OTUD7B: variants seen among roughly 807,000 people sequenced by gnomAD.
OTUD7B encodes OTU deubiquitinase 7B.
In OTUD7B, 34 loss-of-function variants were observed where a neutral mutation model predicts 82.2. That is an observed-to-expected ratio of 0.41 (90% CI 0.31 to 0.55). The LOEUF is 0.55. Among genes scored for constraint, OTUD7B ranks in the 20% least tolerant of loss-of-function variants. The probability of loss-of-function intolerance (pLI) is 0.20; values close to 1 mark genes in which losing one functional copy is unlikely to be tolerated. For synonymous variants in OTUD7B, 398 were observed against 402.7 expected (o/e 0.99, Z 0.14); for missense variants, 944 against 1,062.1 (o/e 0.89, Z 1.55).
intron 1 of OTUD7B, among the ~76,000 whole-genome samples, chr1:150,003,860 A>G (rs1407890081): frequency 6.6e-6 from 1 of 151,930 alleles, no homozygotes; most frequent in African/African-American, 2.4e-5. Context: ...TTCCAAACCT[A>G]CCCCCATCTT....
chr1:150,046,614 A>T, the OTUD7B span, among the ~76,000 whole-genome samples: 1 of 135,450 alleles, frequency 7.4e-6, no homozygotes, highest in African/African-American at 2.7e-5. Flanking sequence ...CACCTGGCTA[A>T]TTTTTTTTTT....
rs587630839 is a variant in OTUD7B, at chr1:149,944,418, T to G, written c.1971A>C (p.Ile657=). The part of the protein sequence containing the change: ...EAERKIMNGG[I]GGGPPPAKKP... ...TTTTGGCTGGAGGAGGGCCACCCCC[T>G]ATTCCTCCATTCATGATCTTCCTCT... is the stretch of plus-strand genomic sequence containing the variant. Residue 657 remains isoleucine, a synonymous_variant, in exon 12 of 12, where the codon ATA becomes ATC. Transcript: ENST00000581312. The G allele has an allele frequency of 7.4e-6, 12 of 1,614,120 alleles. No homozygotes were observed. The South Asian group carries it at 1.2e-4, about 16-fold the overall frequency.
chr1:149,996,808 T>C (rs1257463055), intron 1 of OTUD7B, among the ~76,000 whole-genome samples: 1 of 152,120 alleles, frequency 6.6e-6, no homozygotes, highest in Non-Finnish European at 1.5e-5. Context: ...TCCAGCCAGG[T>C]CAGAAGTTAT....
chr1:150,059,123 G>A, the OTUD7B span, among the ~76,000 whole-genome samples: 27 of 139,628 alleles, frequency 1.9e-4, no homozygotes, highest in Middle Eastern at 3.9e-3. Flanking sequence ...GTGTGATCTC[G>A]GCTCACTGCA....
chr1:149,961,339 CTA>C (rs1383362553), intron 6 of OTUD7B: 2 of 152,162 alleles, frequency 1.3e-5, no homozygotes, highest in Non-Finnish European at 2.9e-5. Flanking sequence ...TCCCTAACTG[CTA>C]TAGAGTTGTT....
At chr1:150,034,901 G>A in the OTUD7B span, among the ~76,000 whole-genome samples, 81 of 152,108 alleles carry the variant, frequency 5.3e-4, no homozygotes, top group Non-Finnish European at 9.3e-4. Context: ...CCAGCACTTT[G>A]AGAGGCTAAG....
At chr1:150,047,055 A>G in the OTUD7B span, among the ~76,000 whole-genome samples, 1 of 152,000 alleles carries the variant, frequency 6.6e-6, no homozygotes, top group African/African-American at 2.4e-5. Flanking sequence ...TGGGCGACAG[A>G]GCACAGCTCT....
the OTUD7B span, among the ~76,000 whole-genome samples, chr1:150,046,695 C>T: frequency 1.3e-5 from 2 of 150,992 alleles, no homozygotes; most frequent in African/African-American, 2.4e-5. Flanking sequence ...GTGATCCACC[C>T]GCCTCGTCCT....
the OTUD7B span, among the ~76,000 whole-genome samples, chr1:150,024,753 AAAC>A: frequency 1.3e-5 from 2 of 152,210 alleles, no homozygotes; most frequent in Non-Finnish European, 2.9e-5. Context: ...AAGTTTTAGA[AAAC>A]ACCACAATTA....
At chr1:149,954,984 C>T (rs1296097796) in intron 7 of OTUD7B, among the ~76,000 whole-genome samples, 4 of 152,016 alleles carry the variant, frequency 2.6e-5, no homozygotes, top group African/African-American at 9.7e-5. Context: ...TTGATCTTTT[C>T]AAAAAACCAG....
the OTUD7B span, among the ~76,000 whole-genome samples, chr1:150,062,620 A>C: frequency 6.6e-6 from 1 of 152,134 alleles, no homozygotes; most frequent in Non-Finnish European, 1.5e-5. Flanking sequence ...TACATTTTGA[A>C]AGCTGCTAAT....
At chr1:150,057,182 T>C in the OTUD7B span, among the ~76,000 whole-genome samples, 4 of 152,114 alleles carry the variant, frequency 2.6e-5, no homozygotes, top group Admixed American at 2.0e-4. Context: ...TAAACCCATA[T>C]TGACGGATAT....
Position 149,940,493 on chromosome 1 carries a change from CAGGG to C in OTUD7B, c.*3360_*3363del, listed in dbSNP as rs1378087304. On this transcript the variant is annotated 3_prime_UTR_variant, in exon 12 of 12. Transcript: ENST00000581312. ...ATTGGAGATGGGGCAGAGAGCACAG[CAGGG>C]AGGGAGTAGCACTGTCTAACATCAA... is the stretch of plus-strand genomic sequence containing the variant. 1 of 152,092 alleles carries C rather than the reference CAGGG, an allele frequency of 6.6e-6. No individual in the cohort carries two copies. Among genetic ancestry groups the C allele is most frequent in the Non-Finnish European group, 1.5e-5 (1 of 68,014 alleles). The allele number at this position is 152,092 out of a possible 1,614,324, so 9.4% of individuals were successfully genotyped here.
the OTUD7B span, among the ~76,000 whole-genome samples, chr1:150,064,448 T>A: frequency 6.6e-6 from 1 of 152,108 alleles, no homozygotes; most frequent in East Asian, 1.9e-4. Flanking sequence ...CATGGCTCAC[T>A]GCAGCCTCGA....
Position 149,948,907 on chromosome 1 carries a change from T to C in OTUD7B, c.1238+62A>G, listed in dbSNP as rs1020102772. 9.1e-6 allele frequency: 10 copies of C among 1,095,980 alleles called. No individual in the cohort carries two copies. In the African/African-American group the frequency reaches 1.5e-4, roughly 17 times the overall value. 67.9% of individuals were successfully genotyped at this position (1,095,980 alleles called of 1,614,324 possible). On this transcript the variant is annotated intron_variant, in intron 10 of 11. Transcript: ENST00000581312. Reference sequence around the variant, plus strand: ...GAGCTGAGGAAAAATCCCTGGGAGATGGATGCCACATGTGGAAGAAATCCC... The same window carrying C: ...GAGCTGAGGAAAAATCCCTGGGAGACGGATGCCACATGTGGAAGAAATCCC...
chr1:150,010,271 G>C (rs1189370674), intron 1 of OTUD7B, among the ~76,000 whole-genome samples, 177 bp downstream of exon 1: 1 of 152,098 alleles, frequency 6.6e-6, no homozygotes, highest in African/African-American at 2.4e-5. Flanking sequence ...AGATCGGGAC[G>C]AAGCAAGGAG....
At position 149,967,443 on chromosome 1, in the gene OTUD7B, C is replaced by A; in HGVS notation, c.353G>T (p.Gly118Val). Reference protein sequence around the residue: ...SLARSHVSSNGGGGGSNEHPL... With the variant: ...SLARSHVSSNVGGGGSNEHPL... ...GTGCTCATTGCTCCCCCCACCCCCA[C>A]CATTGGAGGAGACATGGGACCGGGC... The change falls in exon 4 of 12, where the codon GGT (glycine) becomes GTT (valine). Residue 118 changes from glycine to valine, a missense_variant. Transcript: ENST00000581312. The A allele has an allele frequency of 6.2e-7, 1 of 1,614,124 alleles. No homozygotes were observed. Among genetic ancestry groups the A allele is most frequent in the South Asian group, 1.1e-5 (1 of 91,074 alleles).
chr1:149,958,743 A>ATG (rs1553775061), intron 7 of OTUD7B, among the ~76,000 whole-genome samples: 1 of 918 alleles, frequency 1.1e-3, no homozygotes. Flanking sequence ...CAACTGGTTG[A>ATG]TGTCTTTTTT....
intron 7 of OTUD7B, among the ~76,000 whole-genome samples, chr1:149,959,405 G>C (rs1648973420): frequency 6.6e-6 from 1 of 151,926 alleles, no homozygotes; most frequent in Non-Finnish European, 1.5e-5. Flanking sequence ...ACAAGTTCCT[G>C]GTCCCTTTTT....
Sources: gnomAD v4.1 joint callset for allele counts (sites outside exome capture counted in the v4.1 genomes callset) on GRCh38, gnomAD v4.1.1 for gene constraint, MANE v1.5 for transcripts, NCBI Gene and HGNC (gene_info 2026-07-23, HGNC 2026-07-21) for gene names.